The following ABCG2 variants were observed in gnomAD, a reference collection of about 807,000 sequenced individuals.
The protein encoded by ABCG2 is ATP binding cassette subfamily G member 2 (JR blood group).
Under a neutral mutation model 73.5 loss-of-function variants are expected in ABCG2, and 80 were observed. That is an observed-to-expected ratio of 1.09 (90% CI 0.91 to 1.31). The LOEUF (loss-of-function observed/expected upper bound fraction) is 1.31, where lower values mean the gene tolerates loss of function less well. ABCG2 is among the 50% of genes most tolerant of loss of function. The pLI, the probability that ABCG2 is intolerant of heterozygous loss-of-function variation, is 0.00. For synonymous variants in ABCG2, 269 were observed against 282.4 expected, an observed-to-expected ratio of 0.95 and a Z score of 0.48; for missense variants, 796 against 786.2, an observed-to-expected ratio of 1.01 and a Z score of -0.15.
intron 1 of ABCG2, among the ~76,000 whole-genome samples, chr4:88,146,332 A>G (rs1163430673): frequency 8.8e-6 from 1 of 113,680 alleles, no homozygotes; most frequent in Non-Finnish European, 2.1e-5. Flanking sequence ...GTTTCCTTAC[A>G]TAAGTAAGGT....
intron 2 of ABCG2, among the ~76,000 whole-genome samples, chr4:88,134,299 C>T (rs2110045899): frequency 6.6e-6 from 1 of 152,304 alleles, no homozygotes; most frequent in South Asian, 2.1e-4. Flanking sequence ...TGTACTTGAA[C>T]TATCACAATT....
chr4:88,141,408 G>T (rs140834373), intron 1 of ABCG2, among the ~76,000 whole-genome samples: 1 of 152,254 alleles, frequency 6.6e-6, no homozygotes, highest in African/African-American at 2.4e-5. Flanking sequence ...TAGAAGAAAT[G>T]AGTCGGCTTA....
intron 1 of ABCG2, among the ~76,000 whole-genome samples, chr4:88,183,740 C>T (rs1348794260): frequency 1.3e-5 from 2 of 151,500 alleles, no homozygotes; most frequent in Non-Finnish European, 2.9e-5. Flanking sequence ...GATGCCAAAA[C>T]CAGACAAAGA....
intron 9 of ABCG2, among the ~76,000 whole-genome samples, chr4:88,108,248 C>T (rs530536516): frequency 3.9e-5 from 6 of 152,048 alleles, no homozygotes; most frequent in East Asian, 3.8e-4. Context: ...ATGGGCTGGG[C>T]GTGGTGGCTC....
chr4:88,098,485 T>C (rs761216538), intron 12 of ABCG2, among the ~76,000 whole-genome samples: 5 of 151,544 alleles, frequency 3.3e-5, no homozygotes, highest in Non-Finnish European at 7.4e-5. Context: ...CGTCTTTCTC[T>C]CATTAAAGAA....
chr4:88,092,736 C>T (rs1216391792), intron 15 of ABCG2, among the ~76,000 whole-genome samples: 1 of 152,202 alleles, frequency 6.6e-6, no homozygotes, highest in Non-Finnish European at 1.5e-5. Flanking sequence ...TAATGCTGCT[C>T]TCTCCAAAGG....
rs773361378 is a variant in ABCG2, at chr4:88,092,236, A to G, written c.1966T>C (p.Ter656GlnextTer4). 7 of 1,603,578 alleles carry G rather than the reference A, an allele frequency of 4.4e-6. No homozygotes were observed. The East Asian group carries it at 1.3e-4, about 31-fold the overall frequency. The change falls in exon 16 of 16, where the codon TAA (stop) becomes CAA (glutamine). Residue 656 changes from the stop codon to glutamine (Q), a stop_lost. Transcript: ENST00000237612. Reference sequence around the variant, plus strand: ...ATCATACTGAATTAAGGGGAAATTTAAGAATATTTTTTAAGAAATAACAAT... The same window carrying G: ...ATCATACTGAATTAAGGGGAAATTTGAGAATATTTTTTAAGAAATAACAAT... ...LKLLFLKKYS[*>Q]
At chr4:88,224,796 C>T (rs920707855) in intron 1 of ABCG2, among the ~76,000 whole-genome samples, 2 of 152,156 alleles carry the variant, frequency 1.3e-5, no homozygotes, top group Non-Finnish European at 1.5e-5. Flanking sequence ...CGTCATGAAG[C>T]GTTCCCCTAC....
At chr4:88,159,200 A>G (rs575446822), upstream of ABCG2, 1 of 456,338 alleles carries the variant, frequency 2.2e-6, no homozygotes, top group Admixed American at 2.3e-5. Context: ...TGGGCTGATC[A>G]GTACCTCGTC....
chr4:88,127,066 A>C (rs1724471122), intron 5 of ABCG2, among the ~76,000 whole-genome samples: 1 of 152,226 alleles, frequency 6.6e-6, no homozygotes, highest in East Asian at 1.9e-4. Flanking sequence ...GCTGATAAGC[A>C]ACTTCAGCAA....
At chr4:88,093,384 A>G (rs992618587) in intron 15 of ABCG2, among the ~76,000 whole-genome samples, 11 of 151,732 alleles carry the variant, frequency 7.2e-5, no homozygotes, top group Admixed American at 3.3e-4. Context: ...GGCACCTGTA[A>G]TCCCAGCTAC....
chr4:88,206,232 T>A (rs538079858), intron 1 of ABCG2, among the ~76,000 whole-genome samples: 1 of 152,250 alleles, frequency 6.6e-6, no homozygotes, highest in Non-Finnish European at 1.5e-5. Context: ...GTGGGAGCTT[T>A]GCTTGAAGCC....
At chr4:88,176,477 CTTTTTTTTTTT>C (rs34754034) in intron 1 of ABCG2, among the ~76,000 whole-genome samples, 1 of 84,860 alleles carries the variant, frequency 1.2e-5, no homozygotes, top group South Asian at 4.7e-4. Flanking sequence ...AAAGAGAATG[CTTTTTTTTTTT>C]TTTTTTTTTT....
intron 1 of ABCG2, among the ~76,000 whole-genome samples, chr4:88,156,370 CAAAAAAAA>C (rs56029010): frequency 2.9e-5 from 2 of 69,092 alleles, no homozygotes; most frequent in East Asian, 4.2e-4. Context: ...GACTCCGTCT[CAAAAAAAA>C]AAAAAAAAAA....
chr4:88,195,917 C>CA (rs1454638935), intron 1 of ABCG2, among the ~76,000 whole-genome samples: 5 of 152,270 alleles, frequency 3.3e-5, no homozygotes, highest in Non-Finnish European at 7.4e-5. Context: ...CAGTTAAACT[C>CA]GGCATTTTGC....
intron 1 of ABCG2, among the ~76,000 whole-genome samples, chr4:88,153,258 A>G (rs914803240): frequency 6.6e-6 from 1 of 151,954 alleles, no homozygotes; most frequent in African/African-American, 2.4e-5. Context: ...GAGAATGGTG[A>G]ATAGGAGTAT....
In ABCG2 at chr4:88,131,159, C is replaced by T. The variant is rs947226023; in HGVS notation, c.433G>A (p.Ala145Thr). Residue 145 changes from alanine to threonine, a missense_variant, in exon 5 of 16, where the codon GCT (alanine) becomes ACT (threonine). Ala to Thr is a moderately conservative substitution (Grantham distance 58). Coordinates refer to ENST00000237612, the MANE Select transcript of ABCG2 (RefSeq NM_004827.3). ...TVRENLQFSA[A>T]LRLATTMTNH... is the part of the protein sequence containing the mutation. ...GTCATAGTTGTTGCAAGCCGAAGAGCTGCTGAGAACTGTAAGTTTTCTCTC... is the reference window on the plus strand; with the variant it reads ...GTCATAGTTGTTGCAAGCCGAAGAGTTGCTGAGAACTGTAAGTTTTCTCTC... The T allele has an allele frequency of 3.1e-6, 5 of 1,614,060 alleles. No individual in the cohort carries two copies. Among genetic ancestry groups the T allele is most frequent in the Non-Finnish European group, 4.2e-6 (5 of 1,180,008 alleles).
intron 5 of ABCG2, among the ~76,000 whole-genome samples, chr4:88,122,278 T>C (rs1462427340): frequency 6.6e-6 from 1 of 152,050 alleles, no homozygotes; most frequent in Admixed American, 6.6e-5. Flanking sequence ...AGTTTTTTTT[T>C]CATACCCCAG....
intron 1 of ABCG2, among the ~76,000 whole-genome samples, chr4:88,145,563 C>A (rs2622626): frequency 0.48 from 72,669 of 151,888 alleles, 18,139 homozygotes; most frequent in East Asian, 0.67. Context: ...ACCCCATCAC[C>A]AAAGGGCTGT....
Sources: gnomAD v4.1 joint callset for allele counts (sites outside exome capture counted in the v4.1 genomes callset) on GRCh38, gnomAD v4.1.1 for gene constraint, MANE v1.5 for transcripts, NCBI Gene and HGNC (gene_info 2026-07-23, HGNC 2026-07-21) for gene names.